The following PRKG1 variants were observed in gnomAD, a reference collection of about 807,000 sequenced individuals.
The protein encoded by PRKG1 is cGMP-dependent protein kinase 1.
PRKG1 carries 35 observed loss-of-function variants against 88.1 expected under a neutral mutation model. The ratio of observed to expected loss-of-function variants is 0.40; its 90% CI spans 0.30 to 0.53. The LOEUF is 0.53. Ranked by LOEUF, PRKG1 falls within the 20% of genes least tolerant of loss-of-function variation. The pLI is 0.59. For missense variants in PRKG1, 540 were observed against 839.8 expected, an observed-to-expected ratio of 0.64 and a Z score of 4.41; for synonymous variants, 303 against 292.5, an observed-to-expected ratio of 1.04 and a Z score of -0.37.
intron 7 of PRKG1, among the ~76,000 whole-genome samples, chr10:52,112,110 A>G (rs747923604): frequency 1.4e-4 from 21 of 152,112 alleles, no homozygotes; most frequent in Non-Finnish European, 1.6e-4. Flanking sequence ...TGCCCCCACT[A>G]TTTAGAATAA....
intron 5 of PRKG1, among the ~76,000 whole-genome samples, chr10:52,042,404 C>A (rs1199230303): frequency 6.6e-6 from 1 of 151,944 alleles, no homozygotes; most frequent in Admixed American, 6.6e-5. Context: ...AAATAGAAAG[C>A]CCAGAAATAA....
intron 3 of PRKG1, among the ~76,000 whole-genome samples, chr10:51,693,380 G>A (rs772626067): frequency 6.8e-6 from 1 of 148,026 alleles, no homozygotes; most frequent in Non-Finnish European, 1.5e-5. Context: ...TTTTAATGAT[G>A]TTACCCCAAG....
chr10:51,124,758 A>T (rs887791362), intron 1 of PRKG1, among the ~76,000 whole-genome samples: 1 of 152,198 alleles, frequency 6.6e-6, no homozygotes. Context: ...AAAACGGGGA[A>T]ACTCCAAACG....
chr10:52,180,161 C>G (rs1838978902), intron 9 of PRKG1, among the ~76,000 whole-genome samples: 1 of 152,026 alleles, frequency 6.6e-6, no homozygotes, highest in East Asian at 1.9e-4. Flanking sequence ...GAGCTGTCTC[C>G]AAGATCAGAA....
chr10:51,515,274 T>G (rs1292108274), intron 3 of PRKG1, among the ~76,000 whole-genome samples: 2 of 152,190 alleles, frequency 1.3e-5, no homozygotes, highest in Admixed American at 6.6e-5. Flanking sequence ...ATACCATTTA[T>G]AGTACTGACA....
rs185249948 is a variant in PRKG1, at chr10:51,131,302, G to A, written c.312-21862G>A. On this transcript the variant is annotated intron_variant, in intron 1 of 17. Coordinates refer to ENST00000373980, the MANE Select transcript of PRKG1 (RefSeq NM_006258.4). ...ATAAATGAAACATCTTATTTTTGTA[G>A]AGTTTATTCTACAAAAATATTCTGA... Among the ~76,000 whole-genome samples the A allele has an allele frequency of 1.9e-3, 290 of 152,180 alleles. 3 individuals carry two copies. Among genetic ancestry groups the A allele is most frequent in the Admixed American group, 0.017 (264 of 15,282 alleles).
intron 3 of PRKG1, among the ~76,000 whole-genome samples, chr10:51,596,069 T>A (rs1838440375): frequency 6.6e-6 from 1 of 152,112 alleles, no homozygotes; most frequent in African/African-American, 2.4e-5. Flanking sequence ...GACCTCATGA[T>A]CCACCTGCCT....
chr10:52,253,354 TA>T (rs1218384676), intron 10 of PRKG1: 6 of 151,944 alleles, frequency 3.9e-5, no homozygotes, highest in African/African-American at 1.4e-4. Context: ...ATTTTTGAAA[TA>T]CTGAAAATAA....
chr10:52,086,530 G>T (rs138389455), intron 7 of PRKG1, among the ~76,000 whole-genome samples: 224 of 151,366 alleles, frequency 1.5e-3, no homozygotes, highest in African/African-American at 4.7e-3. Context: ...TCAGCCTCCT[G>T]AATAGCTAGG....
At chr10:52,023,777 A>G (rs1845252082) in intron 5 of PRKG1, among the ~76,000 whole-genome samples, 1 of 152,022 alleles carries the variant, frequency 6.6e-6, no homozygotes, top group African/African-American at 2.4e-5. Context: ...TTTCCTTATA[A>G]ATTTGTTTAA....
At chr10:52,233,110 A>G (rs1053985898) in intron 9 of PRKG1, among the ~76,000 whole-genome samples, 8 of 151,908 alleles carry the variant, frequency 5.3e-5, no homozygotes, top group Non-Finnish European at 1.2e-4. Flanking sequence ...CAATTAATTC[A>G]CATAGGCCAC....
chr10:51,927,480 G>A (rs924524203), intron 5 of PRKG1, among the ~76,000 whole-genome samples: 16 of 152,116 alleles, frequency 1.1e-4, no homozygotes, highest in Non-Finnish European at 2.4e-4. Context: ...TAATACAATA[G>A]GGAAGGAGTC....
chr10:51,930,490 T>C (rs1039949151), intron 5 of PRKG1, among the ~76,000 whole-genome samples: 28 of 133,920 alleles, frequency 2.1e-4, no homozygotes, highest in Middle Eastern at 3.8e-3. Context: ...ACCTTTTTTT[T>C]TCCTCTTTTT....
At chr10:51,829,538 G>A (rs1217725557) in intron 4 of PRKG1, among the ~76,000 whole-genome samples, 4 of 152,156 alleles carry the variant, frequency 2.6e-5, no homozygotes, top group Non-Finnish European at 5.9e-5. Context: ...AGTAATATTA[G>A]GAAATTATTG....
chr10:51,829,355 GT>G (rs1391528245), intron 4 of PRKG1, among the ~76,000 whole-genome samples: 2 of 152,152 alleles, frequency 1.3e-5, no homozygotes, highest in Admixed American at 1.3e-4. Flanking sequence ...AAGGTGGCAG[GT>G]TTACACAATG....
chr10:52,241,020 C>A (rs374834505), intron 9 of PRKG1, among the ~76,000 whole-genome samples: 1 of 152,064 alleles, frequency 6.6e-6, no homozygotes. Flanking sequence ...GAAGTTTTAT[C>A]GAGTCTGTTT....
At chr10:51,318,823 G>T (rs749866739) in intron 2 of PRKG1, among the ~76,000 whole-genome samples, 2 of 152,122 alleles carry the variant, frequency 1.3e-5, no homozygotes, top group Non-Finnish European at 2.9e-5. Flanking sequence ...TAAATTAGAG[G>T]CTATCTTGAT....
intron 2 of PRKG1, among the ~76,000 whole-genome samples, chr10:51,384,660 T>C (rs546301853): frequency 4.6e-5 from 7 of 152,240 alleles, no homozygotes; most frequent in African/African-American, 1.7e-4. Context: ...CCTGGTCCTC[T>C]CCTCTCTATT....
At chr10:51,598,180 G>A (rs1212734952) in intron 3 of PRKG1, among the ~76,000 whole-genome samples, 3 of 152,032 alleles carry the variant, frequency 2.0e-5, no homozygotes, top group Admixed American at 2.0e-4. Flanking sequence ...ACCCTTTGGA[G>A]TTTCCATCTA....
Sources: allele counts gnomAD v4.1 joint callset (sites outside exome capture counted in the v4.1 genomes callset), GRCh38; gene constraint gnomAD v4.1.1; transcripts MANE v1.5; gene names NCBI Gene and HGNC (gene_info 2026-07-23, HGNC 2026-07-21).